The following PMEPA1 variants were observed in gnomAD, a reference collection of about 807,000 sequenced individuals.
PMEPA1 encodes prostate transmembrane protein, androgen induced 1, also known as protein TMEPAI.
A neutral mutation model predicts 23.0 loss-of-function variants in PMEPA1; 11 were observed. That is an observed-to-expected ratio of 0.48 (90% CI 0.30 to 0.79). The LOEUF (loss-of-function observed/expected upper bound fraction) is 0.79, where lower values mean the gene tolerates loss of function less well. PMEPA1 is among the 30% of genes least tolerant of loss of function. The pLI is 0.06. For missense variants in PMEPA1, 377 were observed against 390.9 expected (o/e 0.96, Z 0.30); for synonymous variants, 204 against 166.4 (o/e 1.23, Z -1.74).
At chr20:57,681,382 G>A (rs541414314) in intron 1 of PMEPA1, among the ~76,000 whole-genome samples, 4 of 152,114 alleles carry the variant, frequency 2.6e-5, no homozygotes, top group African/African-American at 7.2e-5. Flanking sequence ...AGCCCTGTGC[G>A]AGGCAACCAG....
chr20:57,661,601 G>A (rs574256465), intron 1 of PMEPA1, among the ~76,000 whole-genome samples: 204 of 152,328 alleles, frequency 1.3e-3, no homozygotes, highest in African/African-American at 4.5e-3. Context: ...AACCAAAGCC[G>A]GGGGAGGGGG....
rs750581296 is a variant in PMEPA1 at position 57,659,583 on chromosome 20, C to T, written c.224G>A (p.Arg75Gln). ...YKLSARSFISRHSQGRRREDA... is the reference protein window; with the variant it reads ...YKLSARSFISQHSQGRRREDA... The stretch of plus-strand genomic sequence containing the variant: ...TTCTCTCCTCCGCCCCTGGCTGTGC[C>T]GGCTGATGAAGGACCGTGCAGACAG... Residue 75 changes from arginine to glutamine, a missense_variant, in exon 2 of 4, where the codon CGG (arginine) becomes CAG (glutamine). Around this residue, in one of 3 missense-constraint regions of PMEPA1, gnomAD observed 198 missense variants for 196.3 expected, o/e 1.01. Coordinates refer to ENST00000341744, the MANE Select transcript of PMEPA1 (RefSeq NM_020182.5). 5 of 1,613,760 alleles carry T rather than the reference C, an allele frequency of 3.1e-6. No homozygotes were observed. Among genetic ancestry groups the T allele is most frequent in the Non-Finnish European group, 4.2e-6 (5 of 1,179,946 alleles).
chr20:57,668,151 G>A (rs1284239156), intron 1 of PMEPA1, among the ~76,000 whole-genome samples: 2 of 152,190 alleles, frequency 1.3e-5, no homozygotes, highest in Admixed American at 1.3e-4. Flanking sequence ...CTGGGACACT[G>A]TCCCATGTTG....
intron 1 of PMEPA1, among the ~76,000 whole-genome samples, chr20:57,706,387 G>C (rs1027862018): frequency 6.6e-6 from 1 of 152,154 alleles, no homozygotes; most frequent in Admixed American, 6.5e-5. Context: ...AAAAGTAGCC[G>C]CTTCAAGCTC....
In PMEPA1 at chr20:57,650,122, C is replaced by T. The variant is rs900618178; in HGVS notation, c.*1931G>A. The T allele has an allele frequency of 6.6e-6, 1 of 152,008 alleles. No individual in the cohort carries two copies. Among genetic ancestry groups the T allele is most frequent in the African/African-American group, 2.4e-5 (1 of 41,180 alleles). 9.4% of individuals were successfully genotyped at this position (152,008 alleles called of 1,614,324 possible). ...GGCGGCATGCAGAGCCCACGTCTGT[C>T]AGCTGCCACCTTCGTAAAGCACACG... is the stretch of plus-strand genomic sequence containing the variant. On this transcript the variant is annotated 3_prime_UTR_variant, in exon 4 of 4. Transcript: ENST00000341744.
chr20:57,651,639 TTA>T lies in PMEPA1; in HGVS notation c.*412_*413del, dbSNP rs941063440. The T allele has an allele frequency of 4.6e-5, 7 of 150,968 alleles. No individual in the cohort carries two copies. The highest frequency in any genetic ancestry group is 4.0e-4 in the Admixed American group (6 of 15,166). 9.4% of individuals were successfully genotyped at this position (150,968 alleles called of 1,614,324 possible). A position where few individuals can be genotyped will look rare whatever the true frequency, so the allele number is the denominator to read the frequency against. ...CCTCGCACATACAGTTTCTCTTATC[TTA>T]TATATATTTATATATATAATATTGC... On this transcript the variant is annotated 3_prime_UTR_variant, in exon 4 of 4. Transcript: ENST00000341744.
intron 1 of PMEPA1, among the ~76,000 whole-genome samples, chr20:57,676,838 C>T (rs965214399): frequency 1.3e-5 from 2 of 152,222 alleles, no homozygotes; most frequent in African/African-American, 2.4e-5. Flanking sequence ...GGTTTCTCCA[C>T]GTGGCCTCCT....
At chr20:57,688,048 CCT>C (rs1312176725) in intron 1 of PMEPA1, among the ~76,000 whole-genome samples, 1 of 152,202 alleles carries the variant, frequency 6.6e-6, no homozygotes, top group Non-Finnish European at 1.5e-5. Context: ...GTGGTTCAGG[CCT>C]CTCTGCTACC....
intron 1 of PMEPA1, among the ~76,000 whole-genome samples, chr20:57,703,060 C>T (rs566770362): frequency 6.6e-6 from 1 of 152,328 alleles, no homozygotes; most frequent in South Asian, 2.1e-4. Flanking sequence ...CTGACGAGAC[C>T]CCTGAGGTGT....
chr20:57,698,022 C>T (rs904290805), intron 1 of PMEPA1, among the ~76,000 whole-genome samples: 3 of 152,142 alleles, frequency 2.0e-5, no homozygotes, highest in Admixed American at 6.5e-5. Context: ...ATGGTAGGTC[C>T]AGCTGATACA....
intron 1 of PMEPA1, among the ~76,000 whole-genome samples, chr20:57,685,155 A>C (rs561826920): frequency 1.3e-5 from 2 of 152,066 alleles, no homozygotes; most frequent in Non-Finnish European, 2.9e-5. Context: ...CTAGACAGTC[A>C]TAAAGAGGAC....
Position 57,683,554 on chromosome 20 carries a change from C to CGTGTGCGT in PMEPA1, c.110-23858_110-23857insACGCACAC, listed in dbSNP as rs2071752594. ...CGGTGGTGGTGTTCTGGCCTGTGTGCGTGTGTGTGTGTGTGTGTGTGTGTG... is the reference window on the plus strand; with the variant it reads ...CGGTGGTGGTGTTCTGGCCTGTGTGCGTGTGCGTGTGTGTGTGTGTGTGTGTGTGTGTG... On this transcript the variant is annotated intron_variant, in intron 1 of 3. Coordinates refer to ENST00000341744, the MANE Select transcript of PMEPA1 (RefSeq NM_020182.5). The surrounding 1 kb of genome is among the most constrained non-coding windows in gnomAD (Gnocchi z 4.3). 1.9e-5 allele frequency among the ~76,000 whole-genome samples: 2 copies of CGTGTGCGT among 106,310 alleles called. No individual in the cohort carries two copies. The highest frequency in any genetic ancestry group is 1.6e-4 in the Admixed American group (2 of 12,196). The allele number at this position is 106,310 out of a possible 152,430, so 69.7% of individuals were successfully genotyped here.
At chr20:57,673,905 C>T (rs1219566650) in intron 1 of PMEPA1, among the ~76,000 whole-genome samples, 1 of 152,194 alleles carries the variant, frequency 6.6e-6, no homozygotes, top group Non-Finnish European at 1.5e-5. Context: ...CACCTTCAGA[C>T]CCCAAGAGCA....
intron 1 of PMEPA1, among the ~76,000 whole-genome samples, chr20:57,688,526 A>C (rs746346310): frequency 6.6e-6 from 1 of 152,176 alleles, no homozygotes; most frequent in African/African-American, 2.4e-5. Context: ...GAGTATCAGG[A>C]AGCCACAAAG....
rs993569370 is a variant in PMEPA1 at position 57,656,678 on chromosome 20, T to C, written c.264+2865A>G. ...TGCCCAGTGTCACACAACAAGGAGG[T>C]GACAAGGCCGAGAAAAGACCTCAGA... is the stretch of plus-strand genomic sequence containing the variant. On this transcript the variant is annotated intron_variant, in intron 2 of 3. Transcript: ENST00000341744. This position sits in a 1 kb window ranked among gnomAD's most constrained non-coding sequence, Gnocchi z 4.7. Among the ~76,000 whole-genome samples, 2 of 151,976 alleles carry C rather than the reference T, an allele frequency of 1.3e-5. No individual in the cohort carries two copies. Among genetic ancestry groups the C allele is most frequent in the Non-Finnish European group, 2.9e-5 (2 of 67,994 alleles).
At chr20:57,662,853 C>T (rs1251741510) in intron 1 of PMEPA1, among the ~76,000 whole-genome samples, 2 of 152,184 alleles carry the variant, frequency 1.3e-5, no homozygotes, top group African/African-American at 2.4e-5. Flanking sequence ...GTCCCTGTCC[C>T]GGGCCCTGGC....
chr20:57,657,877 C>T (rs539319109), intron 2 of PMEPA1, among the ~76,000 whole-genome samples: 3 of 152,342 alleles, frequency 2.0e-5, no homozygotes, highest in African/African-American at 4.8e-5. Context: ...CCTCCCCACA[C>T]CTGGTGAGCC....
intron 1 of PMEPA1, among the ~76,000 whole-genome samples, chr20:57,685,193 C>A (rs916911839): frequency 6.6e-6 from 1 of 151,946 alleles, no homozygotes; most frequent in African/African-American, 2.4e-5. Context: ...AGCTGCAAGC[C>A]GCAGTCACTC....
intron 1 of PMEPA1, among the ~76,000 whole-genome samples, chr20:57,696,254 C>T (rs751370121): frequency 4.7e-4 from 71 of 152,274 alleles, no homozygotes; most frequent in Non-Finnish European, 8.7e-4. Flanking sequence ...TGGGCTCGTC[C>T]CTGCCTAGAC....
Sources: gnomAD v4.1 joint callset for allele counts (sites outside exome capture counted in the v4.1 genomes callset) on GRCh38, gnomAD v4.1.1 for gene constraint, gnomAD v4.1.1 regional missense constraint, Gnocchi (gnomAD v3.1) non-coding constraint, MANE v1.5 for transcripts, NCBI Gene and HGNC (gene_info 2026-07-23, HGNC 2026-07-21) for gene names.